Variants in RXFP1 observed in about 807,000 individuals in gnomAD.
The protein encoded by RXFP1 is relaxin receptor 1.
RXFP1 carries 73 observed loss-of-function variants against 89.8 expected under a neutral mutation model. The ratio of observed to expected loss-of-function variants is 0.81; its 90% CI spans 0.67 to 0.99. The LOEUF (loss-of-function observed/expected upper bound fraction) is 0.99, where lower values mean the gene tolerates loss of function less well. RXFP1 is among the 50% of genes least tolerant of loss of function. RXFP1 has a pLI of 0.00. For missense variants in RXFP1, 793 were observed against 895.5 expected, an observed-to-expected ratio of 0.89 and a Z score of 1.46; for synonymous variants, 277 against 305.5, an observed-to-expected ratio of 0.91 and a Z score of 0.97.
At position 158,639,286 on chromosome 4, in the gene RXFP1, A is replaced by C. The variant is rs1302577044; in HGVS notation, c.1070A>C (p.Asn357Thr). Residue 357 changes from asparagine to threonine, a missense_variant, in exon 14 of 18, where the codon AAT (asparagine) becomes ACT (threonine). Asn to Thr is a moderately conservative substitution (Grantham distance 65). Transcript: ENST00000307765. ...SLSLEGIEIS[N>T]IQQRMFRPLM... ...AGCCTAGAAGGGATTGAAATTTCAA[A>C]TATCCAACAAAGGATGTTTAGACCT... 1.1e-5 allele frequency: 18 copies of C among 1,570,950 alleles called. No homozygotes were observed. The highest frequency in any genetic ancestry group is 1.3e-5 in the Non-Finnish European group (15 of 1,140,958).
At chr4:158,586,758 A>C (rs1257878731) in intron 2 of RXFP1, among the ~76,000 whole-genome samples, 1 of 152,182 alleles carries the variant, frequency 6.6e-6, no homozygotes, top group African/African-American at 2.4e-5. Context: ...AGGCAGAAAG[A>C]AAAGTAAAAG....
intron 1 of RXFP1, among the ~76,000 whole-genome samples, chr4:158,533,879 A>T (rs73860513): frequency 1.3e-5 from 2 of 152,026 alleles, no homozygotes; most frequent in Non-Finnish European, 1.5e-5. Context: ...TATTGCTTTA[A>T]TCAACACTAA....
Position 158,591,442 on chromosome 4 carries a change from T to C in RXFP1, c.188-1959T>C, listed in dbSNP as rs140070571. Among the ~76,000 whole-genome samples the C allele has an allele frequency of 2.5e-4, 38 of 152,220 alleles. 1 individual carries two copies. The East Asian group carries it at 6.0e-3, about 24-fold the overall frequency. On this transcript the variant is annotated intron_variant, in intron 2 of 17. Coordinates refer to ENST00000307765, the MANE Select transcript of RXFP1 (RefSeq NM_021634.4). ...CACTGTCCCTTGTCCACGAAGTTAC[T>C]GATGGCCTTCTAGAGTCCCATACAG...
At chr4:158,596,898 G>A (rs533312784) in intron 3 of RXFP1, among the ~76,000 whole-genome samples, 55 of 152,218 alleles carry the variant, frequency 3.6e-4, no homozygotes, top group African/African-American at 1.0e-3. Context: ...ATATTTTTGC[G>A]TGATCCTGCA....
rs769650864 is a variant in RXFP1 at position 158,651,862 on chromosome 4, G to A, written c.2081G>A (p.Arg694Gln). ...TTRPFKEMIH[R>Q]FWYNYRQRKS... ...AGACCATTTAAAGAAATGATTCATC[G>A]GTTTTGGTATAACTACAGACAAAGA... is the stretch of plus-strand genomic sequence containing the variant. Residue 694 changes from arginine (R) to glutamine (Q), a missense_variant, in exon 18 of 18, where the codon CGG (arginine) becomes CAG (glutamine). Arg to Gln is a conservative substitution (Grantham distance 43, BLOSUM62 1). Transcript: ENST00000307765. The A allele has an allele frequency of 1.4e-5, 22 of 1,613,836 alleles. No homozygotes were observed. Among genetic ancestry groups the A allele is most frequent in the East Asian group, 2.2e-5 (1 of 44,888 alleles).
At chr4:158,549,159 C>CT (rs1749395515) in intron 1 of RXFP1, among the ~76,000 whole-genome samples, 2 of 151,430 alleles carry the variant, frequency 1.3e-5, no homozygotes, top group Admixed American at 1.3e-4. Context: ...TCTTTTTATT[C>CT]TTTTTTCTCT....
chr4:158,590,492 C>G (rs1417721166), intron 2 of RXFP1, among the ~76,000 whole-genome samples: 1 of 152,170 alleles, frequency 6.6e-6, no homozygotes, highest in Non-Finnish European at 1.5e-5. Context: ...AGAGCTATTT[C>G]TTTAGCAATC....
intron 14 of RXFP1, among the ~76,000 whole-genome samples, chr4:158,639,689 G>A (rs62351170): frequency 2.0e-5 from 3 of 152,226 alleles, no homozygotes; most frequent in African/African-American, 4.8e-5. Flanking sequence ...GGCCAACATG[G>A]TGAAACCTCG....
At chr4:158,585,887 A>G (rs1758216779) in intron 2 of RXFP1, among the ~76,000 whole-genome samples, 1 of 152,236 alleles carries the variant, frequency 6.6e-6, no homozygotes, top group Admixed American at 6.5e-5. Context: ...TGAGTGTCTT[A>G]AACTACTTGA....
chr4:158,637,921 G>C (rs1769524697), intron 12 of RXFP1, 87 bp from the exon 13 acceptor site: 1 of 786,930 alleles, frequency 1.3e-6, no homozygotes, highest in African/African-American at 1.7e-5. Context: ...TCATAAATAT[G>C]TTAAAGTAAC....
chr4:158,547,075 G>C (rs1191087691), intron 1 of RXFP1, among the ~76,000 whole-genome samples: 1 of 152,060 alleles, frequency 6.6e-6, no homozygotes, highest in Non-Finnish European at 1.5e-5. Context: ...AATCCATCTG[G>C]TCCTGGACTC....
At chr4:158,608,542 T>C (rs1762970168) in intron 6 of RXFP1, among the ~76,000 whole-genome samples, 1 of 151,938 alleles carries the variant, frequency 6.6e-6, no homozygotes. Flanking sequence ...ATTCAATTAC[T>C]CTTTCTTCAC....
At chr4:158,550,428 G>A (rs192777472) in intron 1 of RXFP1, among the ~76,000 whole-genome samples, 8 of 152,290 alleles carry the variant, frequency 5.3e-5, no homozygotes, top group East Asian at 3.9e-4. Context: ...GCCCTGCTTC[G>A]GCTCACACCT....
intron 3 of RXFP1, among the ~76,000 whole-genome samples, chr4:158,597,877 T>A (rs926888335): frequency 1.3e-5 from 2 of 152,168 alleles, no homozygotes; most frequent in Non-Finnish European, 2.9e-5. Context: ...ACAGCATCAG[T>A]TTTCAGACAT....
intron 1 of RXFP1, among the ~76,000 whole-genome samples, chr4:158,548,833 T>A (rs954235015): frequency 6.6e-6 from 1 of 152,264 alleles, no homozygotes; most frequent in African/African-American, 2.4e-5. Flanking sequence ...GTTAGTCTCA[T>A]GAGCTTCCCT....
At chr4:158,537,675 C>T (rs531724825) in intron 1 of RXFP1, among the ~76,000 whole-genome samples, 6 of 152,258 alleles carry the variant, frequency 3.9e-5, no homozygotes, top group Admixed American at 2.0e-4. Context: ...CTACAATATG[C>T]CAAGCACCAA....
chr4:158,622,830 T>C (rs1478179128), intron 9 of RXFP1, among the ~76,000 whole-genome samples: 1 of 152,086 alleles, frequency 6.6e-6, no homozygotes, highest in Non-Finnish European at 1.5e-5. Flanking sequence ...ATAGTGGAAA[T>C]TTGCTAAAAG....
intron 1 of RXFP1, among the ~76,000 whole-genome samples, chr4:158,566,196 G>T (rs1277858488): frequency 2.0e-5 from 3 of 152,144 alleles, no homozygotes; most frequent in East Asian, 3.8e-4. Flanking sequence ...TGATTTTAAT[G>T]GTTCTATTTA....
chr4:158,647,952 T>A (rs1353917857), intron 16 of RXFP1, among the ~76,000 whole-genome samples: 5 of 149,308 alleles, frequency 3.3e-5, no homozygotes, highest in Non-Finnish European at 7.4e-5. Flanking sequence ...GAAGGCAGAG[T>A]TGCAGTGAGG....
Sources: allele counts gnomAD v4.1 joint callset (sites outside exome capture counted in the v4.1 genomes callset), GRCh38; gene constraint gnomAD v4.1.1; transcripts MANE v1.5; gene names NCBI Gene and HGNC (gene_info 2026-07-23, HGNC 2026-07-21).